Variants in VIPR2 observed in about 807,000 individuals in gnomAD.
VIPR2 encodes the protein vasoactive intestinal peptide receptor 2.
A neutral mutation model predicts 58.0 loss-of-function variants in VIPR2; 48 were observed. The ratio of observed to expected loss-of-function variants is 0.83; its 90% CI spans 0.66 to 1.05. The LOEUF (loss-of-function observed/expected upper bound fraction) is 1.05, where lower values mean the gene tolerates loss of function less well. Among genes scored for constraint, VIPR2 ranks in the 50% least tolerant of loss-of-function variants. The pLI, the probability that VIPR2 is intolerant of heterozygous loss-of-function variation, is 0.00. For synonymous variants in VIPR2, 243 were observed against 235.2 expected (o/e 1.03, Z -0.30); for missense variants, 534 against 558.0 (o/e 0.96, Z 0.43).
At chr7:159,036,938 C>A in intron 6 of VIPR2, 36 bp from the exon 7 acceptor site, 1 of 1,593,252 alleles carries the variant, frequency 6.3e-7, no homozygotes, top group South Asian at 1.1e-5. Flanking sequence ...AAAGCATGAC[C>A]TCATCCGGTA....
rs2129495408 is a variant in VIPR2, at chr7:159,093,049, C to T, written c.357+10708G>A. On this transcript the variant is annotated intron_variant, in intron 4 of 12. Coordinates refer to ENST00000262178, the MANE Select transcript of VIPR2 (RefSeq NM_003382.5). The surrounding 1 kb of genome is among the most constrained non-coding windows in gnomAD (Gnocchi z 6.7). Reference sequence around the variant, plus strand: ...GTCAAGGCAGGTGGAACAAGCCATCCACTTCTGCACTGGTGCCGTCCACTC... The same window carrying T: ...GTCAAGGCAGGTGGAACAAGCCATCTACTTCTGCACTGGTGCCGTCCACTC... 1.3e-5 allele frequency among the ~76,000 whole-genome samples: 2 copies of T among 152,252 alleles called. No individual in the cohort carries two copies. Among genetic ancestry groups the T allele is most frequent in the East Asian group, 3.9e-4 (2 of 5,176 alleles).
At position 159,031,804 on chromosome 7, in the gene VIPR2, G is replaced by C; in HGVS notation, c.1143+24C>G. 1.2e-6 allele frequency: 2 copies of C among 1,613,894 alleles called. No homozygotes were observed. The highest frequency in any genetic ancestry group is 1.1e-5 in the South Asian group (1 of 91,078). On this transcript the variant is annotated intron_variant, in intron 12 of 12. Transcript: ENST00000262178. This position sits in a 1 kb window ranked among gnomAD's most constrained non-coding sequence, Gnocchi z 4.0. ...GGAAGCAAGTGAGTACCTGTGCTTG[G>C]TTCCAAGGCGGCCATGAACTTACCT...
rs1853989844 is a variant in VIPR2 at position 159,036,783 on chromosome 7, C to T, written c.717G>A (p.Arg239=). The part of the protein sequence containing the change: ...TLLVAMLPPR[R]CFLAYLLIGW... ...CGATCAGGAGGTAGGCCAGGAAGCA[C>T]CTTCTAGGGGGGAGCATGGCCACCA... is the stretch of plus-strand genomic sequence containing the variant. The change falls in exon 7 of 13, where the codon AGG becomes AGA. Residue 239 remains arginine (R), a synonymous_variant. Transcript: ENST00000262178. 6.2e-7 allele frequency: 1 copy of T among 1,613,660 alleles called. No individual in the cohort carries two copies.
Position 159,035,918 on chromosome 7 carries a change from C to T in VIPR2, c.809+34G>A, listed in dbSNP as rs371128837. The T allele has an allele frequency of 4.1e-5, 66 of 1,603,246 alleles. No individual in the cohort carries two copies. In the African/African-American group the frequency reaches 6.4e-4, roughly 16 times the overall value. ...TCATGTTGCCAGATGTTGCCGGGCC[C>T]GTTTTCGAGGTTGCAGTCTGGTCAT... On this transcript the variant is annotated intron_variant, in intron 8 of 12. Transcript: ENST00000262178.
At chr7:159,111,817 T>A (rs1246865461) in intron 2 of VIPR2, among the ~76,000 whole-genome samples, 2 of 152,160 alleles carry the variant, frequency 1.3e-5, no homozygotes, top group East Asian at 3.9e-4. Context: ...AAGACCAGCG[T>A]GGGCAACATA....
At position 159,096,967 on chromosome 7, in the gene VIPR2, T is replaced by C; in HGVS notation, c.357+6790A>G. The C allele has an allele frequency of 6.4e-7, 1 of 1,550,626 alleles. No homozygotes were observed. The highest frequency in any genetic ancestry group is 8.7e-7 in the Non-Finnish European group (1 of 1,146,994). ...CATTGAGCTTGGCACCTGCTGGGCC[T>C]GAGGACCATGAGGGGAGGCTTCCTT... On this transcript the variant is annotated intron_variant, in intron 4 of 12. Transcript: ENST00000262178. The surrounding 1 kb of genome is among the most constrained non-coding windows in gnomAD (Gnocchi z 5.5).
chr7:159,068,686 C>T (rs772168719), intron 4 of VIPR2, among the ~76,000 whole-genome samples: 52 of 152,172 alleles, frequency 3.4e-4, no homozygotes, highest in Non-Finnish European at 1.5e-4. Context: ...CGCTTCTGGA[C>T]GGCGGGTGCA....
In VIPR2 at chr7:159,058,574, G is replaced by A. The variant is rs759681384; in HGVS notation, c.362C>T (p.Thr121Met). The A allele has an allele frequency of 5.6e-6, 9 of 1,605,908 alleles. No homozygotes were observed. Among genetic ancestry groups the A allele is most frequent in the South Asian group, 5.5e-5 (5 of 90,912 alleles). Residue 121 changes from threonine (T) to methionine (M), a missense_variant, in exon 5 of 13, where the codon ACG becomes ATG. Physicochemically the swap from Thr to Met is moderately conservative, Grantham distance 81 (BLOSUM62 -1). Transcript: ENST00000262178. ...YSDPEDESKITFYILVKAIYT... is the reference protein window; with the variant it reads ...YSDPEDESKIMFYILVKAIYT... ...AATGGCCTTCACCAGAATATAAAAC[G>A]TGATCTACAAAGAAAGAAAACAGAT...
At chr7:159,119,636 C>T (rs1796378994) in intron 2 of VIPR2, among the ~76,000 whole-genome samples, 2 of 152,236 alleles carry the variant, frequency 1.3e-5, no homozygotes, top group Admixed American at 1.3e-4. Flanking sequence ...TCCCATCTCC[C>T]ATGTGTGTAG....
chr7:159,036,096 A>G, intron 7 of VIPR2, 84 bp from the exon 8 acceptor site: 1 of 1,464,536 alleles, frequency 6.8e-7, no homozygotes, highest in Non-Finnish European at 9.2e-7. Context: ...AAAACCCTCA[A>G]GGACACGCTT....
At chr7:159,123,108 C>T (rs1188909334) in intron 2 of VIPR2, among the ~76,000 whole-genome samples, 1 of 151,968 alleles carries the variant, frequency 6.6e-6, no homozygotes, top group Non-Finnish European at 1.5e-5. Flanking sequence ...TCCTGGCTAA[C>T]ATGGTGAAAC....
At chr7:159,078,178 C>G (rs1856737375) in intron 4 of VIPR2, among the ~76,000 whole-genome samples, 1 of 152,202 alleles carries the variant, frequency 6.6e-6, no homozygotes, top group South Asian at 2.1e-4. Context: ...AAACTTCCCC[C>G]CCTCATTTTA....
intron 6 of VIPR2, among the ~76,000 whole-genome samples, chr7:159,039,583 G>A (rs1854189218): frequency 1.6e-5 from 1 of 61,734 alleles, no homozygotes; most frequent in African/African-American, 5.6e-5. Context: ...CCCACCCGCT[G>A]TGGGAGGGTG....
At position 159,032,845 on chromosome 7, in the gene VIPR2, C is replaced by T. The variant is rs112674122; in HGVS notation, c.972-778G>A. Among the ~76,000 whole-genome samples, 91 of 152,100 alleles carry T rather than the reference C, an allele frequency of 6.0e-4. 1 individual carries two copies. Among genetic ancestry groups the T allele is most frequent in the Non-Finnish European group, 2.8e-4 (19 of 68,022 alleles). On this transcript the variant is annotated intron_variant, in intron 10 of 12. Coordinates refer to ENST00000262178, the MANE Select transcript of VIPR2 (RefSeq NM_003382.5). Reference sequence around the variant, plus strand: ...CAGCATAGAAACTAAACAAGATTCACAGGAAATCCAAGTTCAACCTGAAAG... The same window carrying T: ...CAGCATAGAAACTAAACAAGATTCATAGGAAATCCAAGTTCAACCTGAAAG...
Position 159,097,172 on chromosome 7 carries a change from C to T in VIPR2, c.357+6585G>A. ...CAGTGCCAGCTGCTGTGATCTTTGT[C>T]ACCAGGGATGGGAGCCCTGGGGAGT... On this transcript the variant is annotated intron_variant, in intron 4 of 12. Transcript: ENST00000262178. This position sits in a 1 kb window ranked among gnomAD's most constrained non-coding sequence, Gnocchi z 5.3. The T allele has an allele frequency of 1.4e-6, 2 of 1,444,962 alleles. No homozygotes were observed. The highest frequency in any genetic ancestry group is 1.8e-6 in the Non-Finnish European group (2 of 1,093,782). 89.5% of individuals were successfully genotyped at this position (1,444,962 alleles called of 1,614,324 possible).
chr7:159,120,435 C>A (rs58140425), intron 2 of VIPR2, among the ~76,000 whole-genome samples: 398 of 152,040 alleles, frequency 2.6e-3, no homozygotes, highest in African/African-American at 9.0e-3. Context: ...GGGGGCACCA[C>A]CAAGTCTCAT....
chr7:159,035,796 C>T (rs1367685423), intron 8 of VIPR2, 156 bp downstream of exon 8: 16 of 985,344 alleles, frequency 1.6e-5, no homozygotes, highest in Non-Finnish European at 1.9e-5. Context: ...CAGGATTTCT[C>T]CCCATGAATC....
In VIPR2 at chr7:159,029,389, ACCCT is replaced by A. The variant is rs1469146030; in HGVS notation, c.*1223_*1226del. Reference sequence around the variant, plus strand: ...AGCTGGCTCAGCAACGTCCCCAGACACCCTCCCCACATCTGCAAACCACCCTTCG... The same window carrying A: ...AGCTGGCTCAGCAACGTCCCCAGACACCCCACATCTGCAAACCACCCTTCG... On this transcript the variant is annotated 3_prime_UTR_variant, in exon 13 of 13. Coordinates refer to ENST00000262178, the MANE Select transcript of VIPR2 (RefSeq NM_003382.5). 2 of 152,032 alleles carry A rather than the reference ACCCT, an allele frequency of 1.3e-5. No individual in the cohort carries two copies. Among genetic ancestry groups the A allele is most frequent in the East Asian group, 3.9e-4 (2 of 5,174 alleles). 9.4% of individuals were successfully genotyped at this position (152,032 alleles called of 1,614,324 possible).
At chr7:159,110,695 A>AAAAC (rs1554517390) in intron 2 of VIPR2, among the ~76,000 whole-genome samples, 1 of 40,934 alleles carries the variant, frequency 2.4e-5, no homozygotes, top group Non-Finnish European at 4.3e-5. Context: ...CTTGGTCGGT[A>AAAAC]AAACAAACAA....
Sources: gnomAD v4.1 joint callset for allele counts (sites outside exome capture counted in the v4.1 genomes callset) on GRCh38, gnomAD v4.1.1 for gene constraint, Gnocchi (gnomAD v3.1) non-coding constraint, MANE v1.5 for transcripts, NCBI Gene and HGNC (gene_info 2026-07-23, HGNC 2026-07-21) for gene names.